Variants in CATSPER2 observed in about 807,000 individuals in gnomAD.
CATSPER2 encodes the protein cation channel sperm associated 2.
Under a neutral mutation model 68.8 loss-of-function variants are expected in CATSPER2, and 56 were observed. The observed-to-expected ratio is 0.81, with a 90% CI of 0.66 to 1.02. The LOEUF is 1.02. Ranked by LOEUF, CATSPER2 falls within the 50% of genes least tolerant of loss-of-function variation. CATSPER2 has a pLI of 0.00. For synonymous variants in CATSPER2, 198 were observed against 229.9 expected (o/e 0.86, Z 1.26); for missense variants, 582 against 642.0 (o/e 0.91, Z 1.01).
rs1272108660 is a variant in CATSPER2 at position 43,648,679 on chromosome 15, T to A, written c.-53A>T. 7.0e-7 allele frequency: 1 copy of A among 1,431,954 alleles called. No homozygotes were observed. The highest frequency in any genetic ancestry group is 1.5e-5 in the African/African-American group (1 of 67,662). 88.7% of individuals were successfully genotyped at this position (1,431,954 alleles called of 1,614,324 possible). Reference sequence around the variant, plus strand: ...TCAGTCCTTATTTCACGCTTCCGCCTCCAGCTCAGGTGCCCCGAGCCTGGC... The same window carrying A: ...TCAGTCCTTATTTCACGCTTCCGCCACCAGCTCAGGTGCCCCGAGCCTGGC... On this transcript the variant is annotated 5_prime_UTR_variant, in exon 1 of 13. Coordinates refer to ENST00000396879, the MANE Select transcript of CATSPER2 (RefSeq NM_172095.4).
At chr15:43,641,879 G>A (rs2086080954) in intron 4 of CATSPER2, among the ~76,000 whole-genome samples, 1 of 151,660 alleles carries the variant, frequency 6.6e-6, no homozygotes. Context: ...TAAATTACTT[G>A]TAGAGATGGG....
chr15:43,646,718 C>CTTT (rs56230106), intron 4 of CATSPER2, among the ~76,000 whole-genome samples: 3 of 138,652 alleles, frequency 2.2e-5, no homozygotes, highest in Non-Finnish European at 3.1e-5. Flanking sequence ...TTTTCTTTTT[C>CTTT]TTTTTTTTTT....
At position 43,648,685 on chromosome 15, in the gene CATSPER2, T is replaced by C. The variant is rs1325637048; in HGVS notation, c.-59A>G. On this transcript the variant is annotated 5_prime_UTR_variant, in exon 1 of 13. Transcript: ENST00000396879. ...CTTATTTCACGCTTCCGCCTCCAGC[T>C]CAGGTGCCCCGAGCCTGGCTACCCC... The C allele has an allele frequency of 7.6e-6, 11 of 1,444,124 alleles. No individual in the cohort carries two copies. Among genetic ancestry groups the C allele is most frequent in the Non-Finnish European group, 1.0e-5 (11 of 1,101,902 alleles). 89.5% of individuals were successfully genotyped at this position (1,444,124 alleles called of 1,614,324 possible). A position where few individuals can be genotyped will look rare whatever the true frequency, so the allele number is the denominator to read the frequency against.
chr15:43,635,375 C>T lies in CATSPER2; in HGVS notation c.1163G>A (p.Ser388Asn), dbSNP rs1445178553. 1.9e-6 allele frequency: 3 copies of T among 1,609,940 alleles called. No individual in the cohort carries two copies. The highest frequency in any genetic ancestry group is 2.7e-5 in the African/African-American group (2 of 74,426). Residue 388 changes from serine to asparagine, a missense_variant, in exon 10 of 13, where the codon AGC becomes AAC. Around this residue, in one of 5 missense-constraint regions of CATSPER2, gnomAD observed 235 missense variants for 264.2 expected, o/e 0.89. Transcript: ENST00000396879. ...TACTCCTAACCTGTCCTCTATTTTG[C>T]TATGGCTTGACGTCAGTGCTTCATG... Reference protein sequence around the residue: ...MSHEALTSSHSKIEDSSRGAS... With the variant: ...MSHEALTSSHNKIEDSSRGAS...
In CATSPER2 at chr15:43,636,163, T is replaced by C. The variant is rs956684617; in HGVS notation, c.899A>G (p.Tyr300Cys). The change falls in exon 8 of 13, where the codon TAT becomes TGT. Residue 300 changes from tyrosine (Y) to cysteine (C), a missense_variant. Tyr to Cys is a radical substitution (Grantham distance 194). This residue lies in a region of CATSPER2 where 14 missense variants were observed against 33.7 expected (regional missense o/e 0.42). Coordinates refer to ENST00000396879, the MANE Select transcript of CATSPER2 (RefSeq NM_172095.4). ...VFILFTLDHW[Y>C]ALLQDVWKVP... ...CTTCCAGACGTCCTGAAGCAGTGCA[T>C]ACCAATGATCCAAGGTGAAGAGAAT... 1 of 1,610,926 alleles carries C rather than the reference T, an allele frequency of 6.2e-7. No homozygotes were observed. The highest frequency in any genetic ancestry group is 8.5e-7 in the Non-Finnish European group (1 of 1,177,862).
intron 7 of CATSPER2, chr15:43,637,755 G>C (rs1193876102): frequency 6.6e-6 from 1 of 151,766 alleles, no homozygotes; most frequent in East Asian, 1.9e-4. Context: ...GTGTTTTCTA[G>C]ACAGAGATCA....
chr15:43,633,277 C>T, intron 10 of CATSPER2: 1 of 344,792 alleles, frequency 2.9e-6, no homozygotes. Flanking sequence ...TACTCCTTCC[C>T]TTGTTCTTCT....
At chr15:43,631,537 TC>T in intron 12 of CATSPER2, 1 of 387,518 alleles carries the variant, frequency 2.6e-6, no homozygotes, top group Admixed American at 3.0e-5. Flanking sequence ...CCTTTTTTTT[TC>T]CTTTTAGAGG....
At position 43,648,062 on chromosome 15, in the gene CATSPER2, G is replaced by GTCTGCT. The variant is rs1440846756; in HGVS notation, c.-2-5_-2dup. 1 of 1,613,456 alleles carries GTCTGCT rather than the reference G, an allele frequency of 6.2e-7. No homozygotes were observed. Among genetic ancestry groups the GTCTGCT allele is most frequent in the Admixed American group, 1.7e-5 (1 of 59,974 alleles). On this transcript the variant is annotated splice_region_variant and 5_prime_UTR_variant, in exon 2 of 13. Coordinates refer to ENST00000396879, the MANE Select transcript of CATSPER2 (RefSeq NM_172095.4). ...GCTCTTCTTGTTGGTAAGCGGCCAT[G>GTCTGCT]TCTGCTAAGAAAATGTAAGCATCAA...
In CATSPER2 at chr15:43,635,346, T is replaced by C. The variant is rs779455316; in HGVS notation, c.1178+14A>G. 34 of 1,604,440 alleles carry C rather than the reference T, an allele frequency of 2.1e-5. No individual in the cohort carries two copies. The highest frequency in any genetic ancestry group is 1.3e-4 in the South Asian group (12 of 90,842). ...TCATGTGTTTCTATCCCAGTTCACA[T>C]ACATACTCCTAACCTGTCCTCTATT... is the stretch of plus-strand genomic sequence containing the variant. On this transcript the variant is annotated intron_variant, in intron 10 of 12. Coordinates refer to ENST00000396879, the MANE Select transcript of CATSPER2 (RefSeq NM_172095.4).
intron 10 of CATSPER2, chr15:43,634,206 TTTGTTCTTTA>T (rs1438935539): frequency 6.7e-6 from 1 of 149,290 alleles, no homozygotes; most frequent in Non-Finnish European, 1.5e-5. Flanking sequence ...TCAATAATTA[TTTGTTCTTTA>T]TTGTTTTTTG....
rs552779558 is a variant in CATSPER2 at position 43,647,430 on chromosome 15, T to C, written c.183A>G (p.Gln61=). Residue 61 remains glutamine, a synonymous_variant, in exon 3 of 13, where the codon CAA becomes CAG. Transcript: ENST00000396879. ...SRQKKLVLGD[Q]HQLVRFSIKP... The stretch of plus-strand genomic sequence containing the variant: ...TTATAGAGAAACGCACTAGCTGGTG[T>C]TGATCTCCCAATACAAGTTTCTTCT... 76 of 1,613,638 alleles carry C rather than the reference T, an allele frequency of 4.7e-5. 3 individuals are homozygous for C. The Middle Eastern group carries it at 5.0e-4, about 11-fold the overall frequency.
intron 4 of CATSPER2, chr15:43,643,140 T>A (rs1406012272): frequency 6.6e-6 from 1 of 151,932 alleles, no homozygotes; most frequent in Non-Finnish European, 1.5e-5. Flanking sequence ...CTACTCCCTA[T>A]TCTAGAAAAA....
chr15:43,635,489 A>G, intron 9 of CATSPER2, 73 bp from the exon 10 acceptor site: 2 of 1,526,510 alleles, frequency 1.3e-6, no homozygotes, highest in Non-Finnish European at 1.8e-6. Context: ...AAAAAAGTTC[A>G]TATCAGAAAG....
chr15:43,630,812 C>T, intron 12 of CATSPER2, 80 bp from the exon 13 acceptor site: 1 of 1,610,866 alleles, frequency 6.2e-7, no homozygotes, highest in Non-Finnish European at 8.5e-7. Flanking sequence ...CCTTGCTTTT[C>T]TGGGTTCTAG....
intron 4 of CATSPER2, among the ~76,000 whole-genome samples, chr15:43,643,823 G>GA (rs1437930046): frequency 4.0e-5 from 6 of 151,790 alleles, no homozygotes; most frequent in Admixed American, 3.3e-4. Context: ...CCACCTTTGG[G>GA]AAAAAATTGT....
At chr15:43,638,861 C>T in intron 7 of CATSPER2, 43 bp downstream of exon 7, 2 of 1,609,930 alleles carry the variant, frequency 1.2e-6, no homozygotes. Flanking sequence ...GGTCTCTTAG[C>T]CAAATTTTCT....
chr15:43,633,481 G>T, intron 10 of CATSPER2: 2 of 162,206 alleles, frequency 1.2e-5, no homozygotes, highest in Admixed American at 5.7e-5. Flanking sequence ...GGCCTCTGCT[G>T]TTTCTCAAAC....
Position 43,640,488 on chromosome 15 carries a change from C to G in CATSPER2, c.397G>C (p.Glu133Gln), listed in dbSNP as rs773102038. ...IILMVEIELL[E>Q]STNTKLWPLK... ...GGCCATAGTTTGGTATTTGTGGATT[C>G]CAGCAATTCTGTGAAGATAGAGCAA... Residue 133 changes from glutamate to glutamine, a missense_variant, in exon 5 of 13, where the codon GAA becomes CAA. Physicochemically the swap from Glu to Gln is conservative, Grantham distance 29. Transcript: ENST00000396879. 15 of 1,613,208 alleles carry G rather than the reference C, an allele frequency of 9.3e-6. No homozygotes were observed. Among genetic ancestry groups the G allele is most frequent in the Non-Finnish European group, 1.2e-5 (14 of 1,179,494 alleles).
Sources: gnomAD v4.1 joint callset for allele counts (sites outside exome capture counted in the v4.1 genomes callset) on GRCh38, gnomAD v4.1.1 for gene constraint, gnomAD v4.1.1 regional missense constraint, MANE v1.5 for transcripts, NCBI Gene and HGNC (gene_info 2026-07-23, HGNC 2026-07-21) for gene names.